The following SLC18A1 variants were observed in gnomAD, a reference collection of about 807,000 sequenced individuals.
SLC18A1 encodes solute carrier family 18 member A1, also known as chromaffin granule amine transporter.
SLC18A1 carries 69 observed loss-of-function variants against 53.7 expected under a neutral mutation model. That is an observed-to-expected ratio of 1.28 (90% CI 1.06 to 1.57). SLC18A1 has a LOEUF of 1.57. Among genes scored for constraint, SLC18A1 ranks in the 40% most tolerant of loss-of-function variants. SLC18A1 has a pLI of 0.00. For missense variants in SLC18A1, 932 were observed against 668.1 expected, an observed-to-expected ratio of 1.40 and a Z score of -4.35; for synonymous variants, 320 against 248.1, an observed-to-expected ratio of 1.29 and a Z score of -2.72.
Position 20,145,803 on chromosome 8 carries a change from A to G in SLC18A1, c.1538T>C (p.Leu513Pro). The part of the protein sequence containing the change: ...ATQKPTKEFP[L>P]GEDSDEEPDH... ...AGGCTCCTCATCACTGTCCTCCCCCAGAGGAAATTCCTTCGTGGGCTTCTG... is the reference window on the plus strand; with the variant it reads ...AGGCTCCTCATCACTGTCCTCCCCCGGAGGAAATTCCTTCGTGGGCTTCTG... Residue 513 changes from leucine to proline, a missense_variant, in exon 16 of 16, where the codon CTG becomes CCG. Leu to Pro is a moderately conservative substitution (Grantham distance 98). Transcript: ENST00000276373. The G allele has an allele frequency of 6.2e-7, 1 of 1,612,358 alleles. No individual in the cohort carries two copies. Among genetic ancestry groups the G allele is most frequent in the Non-Finnish European group, 8.5e-7 (1 of 1,179,194 alleles).
intron 10 of SLC18A1, among the ~76,000 whole-genome samples, chr8:20,162,202 A>T (rs2071847681): frequency 6.6e-6 from 1 of 152,138 alleles, no homozygotes; most frequent in Admixed American, 6.5e-5. Context: ...TCCCAGGCTT[A>T]TTCCCAAACC....
intron 10 of SLC18A1, among the ~76,000 whole-genome samples, chr8:20,153,277 G>T (rs2071604774): frequency 6.6e-6 from 1 of 152,268 alleles, no homozygotes; most frequent in South Asian, 2.1e-4. Flanking sequence ...CAACAAGATA[G>T]CTTAGCTAGA....
chr8:20,157,380 G>A (rs1374245475), intron 10 of SLC18A1, among the ~76,000 whole-genome samples: 1 of 152,154 alleles, frequency 6.6e-6, no homozygotes, highest in Non-Finnish European at 1.5e-5. Context: ...AGAGGAAAGA[G>A]AACGATTCCC....
At chr8:20,167,530 T>G (rs1330698255) in intron 8 of SLC18A1, among the ~76,000 whole-genome samples, 1 of 152,050 alleles carries the variant, frequency 6.6e-6, no homozygotes, top group African/African-American at 2.4e-5. Flanking sequence ...AACTTGTGTG[T>G]GTGTATTAGC....
At chr8:20,160,903 C>A (rs1219753066) in intron 10 of SLC18A1, among the ~76,000 whole-genome samples, 1 of 152,020 alleles carries the variant, frequency 6.6e-6, no homozygotes, top group Non-Finnish European at 1.5e-5. Context: ...AAAAAGGGGC[C>A]AAACTCCCCC....
intron 10 of SLC18A1, among the ~76,000 whole-genome samples, chr8:20,164,598 C>G (rs974904622): frequency 6.6e-6 from 1 of 152,242 alleles, no homozygotes; most frequent in South Asian, 2.1e-4. Flanking sequence ...GAAACCAAAA[C>G]CTGAATCTTT....
chr8:20,149,032 T>G (rs2128867588), intron 12 of SLC18A1, among the ~76,000 whole-genome samples: 1 of 152,222 alleles, frequency 6.6e-6, no homozygotes, highest in East Asian at 1.9e-4. Flanking sequence ...ATGCTCCTGC[T>G]CAGGACCTCC....
In SLC18A1 at chr8:20,171,943, C is replaced by T. The variant is rs115110025; in HGVS notation, c.725-449G>A. On this transcript the variant is annotated intron_variant, in intron 6 of 15. Coordinates refer to ENST00000276373, the MANE Select transcript of SLC18A1 (RefSeq NM_003053.4). ...TAGTTGGAGAAGAAAAAGAAGAAAGCGGGTGTTAGCAGAGTATGAATATTT... is the reference window on the plus strand; with the variant it reads ...TAGTTGGAGAAGAAAAAGAAGAAAGTGGGTGTTAGCAGAGTATGAATATTT... 9.8e-3 allele frequency among the ~76,000 whole-genome samples: 1,498 copies of T among 152,236 alleles called. 27 individuals are homozygous for T. Among genetic ancestry groups the T allele is most frequent in the African/African-American group, 0.035 (1,441 of 41,518 alleles).
At chr8:20,158,208 C>T (rs762883820) in intron 10 of SLC18A1, among the ~76,000 whole-genome samples, 7 of 152,210 alleles carry the variant, frequency 4.6e-5, no homozygotes, top group Non-Finnish European at 7.3e-5. Context: ...TCTTACTCTC[C>T]TGTCCCTGAC....
At chr8:20,157,539 A>G (rs929800640) in intron 10 of SLC18A1, among the ~76,000 whole-genome samples, 1 of 152,226 alleles carries the variant, frequency 6.6e-6, no homozygotes, top group African/African-American at 2.4e-5. Flanking sequence ...AGTGATATCC[A>G]TTATAACACA....
chr8:20,150,985 T>C, intron 10 of SLC18A1: 2 of 473,052 alleles, frequency 4.2e-6, no homozygotes. Flanking sequence ...TTTCTTTCTT[T>C]TTTTGAGACA....
intron 3 of SLC18A1, 33 bp from the exon 4 acceptor site, chr8:20,178,526 T>G: frequency 1.3e-6 from 2 of 1,525,054 alleles, no homozygotes; most frequent in Non-Finnish European, 9.0e-7. Context: ...AAAGATACAA[T>G]TCCAACAGGC....
At chr8:20,179,050 A>G in intron 3 of SLC18A1, 71 bp downstream of exon 3, 2 of 1,511,478 alleles carry the variant, frequency 1.3e-6, no homozygotes, top group East Asian at 2.3e-5. Context: ...TTCCCTTCCA[A>G]CCCCCTTTCT....
intron 8 of SLC18A1, among the ~76,000 whole-genome samples, chr8:20,167,453 A>G (rs142790832): frequency 0.014 from 2,054 of 152,126 alleles, 24 homozygotes; most frequent in Non-Finnish European, 0.019. Context: ...AGAAGAATAC[A>G]TGTATGGAAT....
At chr8:20,147,836 C>A (rs561356246) in intron 13 of SLC18A1, 114 bp from the exon 14 acceptor site, 343 of 1,499,678 alleles carry the variant, frequency 2.3e-4, no homozygotes, top group Middle Eastern at 4.8e-4. Context: ...CTCGGACTAA[C>A]ACCTGTTCCA....
intron 8 of SLC18A1, among the ~76,000 whole-genome samples, chr8:20,165,402 T>A (rs1488813692): frequency 3.3e-5 from 5 of 151,940 alleles, no homozygotes; most frequent in Non-Finnish European, 7.4e-5. Flanking sequence ...AAGGTCAGAG[T>A]GGATTGGTAG....
chr8:20,171,380 G>A, intron 7 of SLC18A1, 25 bp downstream of exon 7: 1 of 1,594,862 alleles, frequency 6.3e-7, no homozygotes, highest in Non-Finnish European at 8.6e-7. Context: ...GCTGTCACCT[G>A]CTGGAGGCTC....
intron 10 of SLC18A1, among the ~76,000 whole-genome samples, chr8:20,162,945 T>C (rs2071865180): frequency 6.6e-6 from 1 of 152,216 alleles, no homozygotes; most frequent in African/African-American, 2.4e-5. Context: ...TTTTCAAGTA[T>C]TTGTTATAGC....
intron 4 of SLC18A1, among the ~76,000 whole-genome samples, chr8:20,178,121 A>ACAC (rs57594254): frequency 0.061 from 9,121 of 148,806 alleles, 732 homozygotes; most frequent in East Asian, 0.18. Context: ...TGATGCATAT[A>ACAC]ACACACACAC....
Sources: allele counts gnomAD v4.1 joint callset (sites outside exome capture counted in the v4.1 genomes callset), GRCh38; gene constraint gnomAD v4.1.1; transcripts MANE v1.5; gene names NCBI Gene and HGNC (gene_info 2026-07-23, HGNC 2026-07-21).